The following KDM6A variants were observed in gnomAD, a reference collection of about 807,000 sequenced individuals.
KDM6A encodes the protein lysine-specific demethylase 6A.
A neutral mutation model predicts 117.6 loss-of-function variants in KDM6A; 11 were observed. The observed-to-expected ratio is 0.09, with a 90% confidence interval of 0.06 to 0.15. KDM6A has a LOEUF of 0.15. KDM6A is among the 10% of genes least tolerant of loss of function. The pLI, the probability that KDM6A is intolerant of heterozygous loss-of-function variation, is 1.00. For missense variants in KDM6A, 799 were observed against 1,077.3 expected (o/e 0.74, Z 3.62); for synonymous variants, 384 against 396.1 (o/e 0.97, Z 0.36).
At chrX:44,923,861 T>G (rs957545410) in intron 2 of KDM6A, among the ~76,000 whole-genome samples, 1 of 111,535 alleles carries the variant, frequency 9.0e-6, no homozygotes, top group African/African-American at 3.3e-5. Flanking sequence ...TAGCTGGGAT[T>G]ACAGGCATCT....
intron 4 of KDM6A, among the ~76,000 whole-genome samples, chrX:44,975,062 C>T (rs2039550615): frequency 9.0e-6 from 1 of 111,302 alleles, no homozygotes; most frequent in Non-Finnish European, 1.9e-5. Context: ...AGGCTGAAGA[C>T]GTGTATATCA....
chrX:44,972,716 A>C (rs939576811), intron 3 of KDM6A, among the ~76,000 whole-genome samples: 1 of 111,276 alleles, frequency 9.0e-6, no homozygotes, highest in Non-Finnish European at 1.9e-5. Context: ...CAGGAATATG[A>C]ACAGAGAGAG....
At chrX:45,094,493 T>C (rs2046019565) in intron 27 of KDM6A, among the ~76,000 whole-genome samples, 1 of 111,743 alleles carries the variant, frequency 8.9e-6, no homozygotes, top group Non-Finnish European at 1.9e-5. Context: ...ATACATACCA[T>C]ATCTCCTTAA....
chrX:45,097,661 T>G (rs1042423766), intron 27 of KDM6A, among the ~76,000 whole-genome samples: 5 of 111,690 alleles, frequency 4.5e-5, no homozygotes, highest in Admixed American at 3.8e-4. Context: ...TGTTGTCACC[T>G]CCTGATTCCT....
chrX:45,053,829 G>A lies in KDM6A; in HGVS notation c.749G>A (p.Gly250Asp). The change falls in exon 10 of 30, where the codon GGT becomes GAT. Residue 250 changes from glycine to aspartate, a missense_variant and splice_region_variant. Coordinates refer to ENST00000611820, the MANE Select transcript of KDM6A (RefSeq NM_001291415.2). ...AATTTTTTTAAATCATTTACTGTAG[G>A]TTGGATGCATCACACTGTAGATCTC... ...QVKATVLQQL[G>D]WMHHTVDLLG... is the part of the protein sequence containing the mutation. 1 of 1,184,523 alleles carries A rather than the reference G, an allele frequency of 8.4e-7. No homozygotes were observed. The highest frequency in any genetic ancestry group is 1.1e-6 in the Non-Finnish European group (1 of 871,210).
intron 2 of KDM6A, among the ~76,000 whole-genome samples, chrX:44,881,790 C>T (rs774391818): frequency 1.8e-5 from 2 of 108,294 alleles, no homozygotes; most frequent in South Asian, 8.3e-4. Flanking sequence ...AGGGTTCGAG[C>T]GATTCTCCTT....
chrX:45,029,473 G>T (rs2147739613), intron 6 of KDM6A, among the ~76,000 whole-genome samples: 1 of 109,294 alleles, frequency 9.1e-6, no homozygotes, highest in East Asian at 2.9e-4. Flanking sequence ...TTAGTCGAGG[G>T]TGCTGGTGTG....
Position 44,968,904 on chromosome X carries a change from A to T in KDM6A, c.335-5762A>T, listed in dbSNP as rs370718707. 5.8e-5 allele frequency among the ~76,000 whole-genome samples: 6 copies of T among 103,310 alleles called. No individual in the cohort carries two copies. In the South Asian group the frequency reaches 2.4e-3, roughly 41 times the overall value. The allele number at this position is 103,310 out of a possible 115,157, so 89.7% of individuals were successfully genotyped here. On this transcript the variant is annotated intron_variant, in intron 3 of 29. Transcript: ENST00000611820. ...AGAATTGCTTGAACCCAGGAGGTGG[A>T]GGTTGCGGTGAGCTGAGATCACGCC...
intron 18 of KDM6A, among the ~76,000 whole-genome samples, chrX:45,072,352 T>C (rs1460614322): frequency 9.0e-6 from 1 of 111,631 alleles, no homozygotes; most frequent in Non-Finnish European, 1.9e-5. Flanking sequence ...CTAAATGAAA[T>C]TCTTCTAAAG....
intron 5 of KDM6A, among the ~76,000 whole-genome samples, chrX:45,012,240 G>A (rs1387122468): frequency 1.2e-5 from 1 of 82,280 alleles, no homozygotes; most frequent in Non-Finnish European, 2.2e-5. Context: ...TCACTCTGTC[G>A]CCCAGGCTGG....
At chrX:45,010,837 A>AT (rs769061416) in intron 4 of KDM6A, 124 bp from the exon 5 acceptor site, 1 of 489,276 alleles carries the variant, frequency 2.0e-6, no homozygotes, top group East Asian at 3.8e-5. Context: ...TTTTAAAAAT[A>AT]TATTGTAATG....
Position 45,058,086 on chromosome X carries a change from C to CTT in KDM6A, c.876-920_876-919insTT, listed in dbSNP as rs1316897519. Among the ~76,000 whole-genome samples the CTT allele has an allele frequency of 2.9e-4, 22 of 75,568 alleles. 1 individual carries two copies. The highest frequency in any genetic ancestry group is 5.3e-4 in the Non-Finnish European group (21 of 39,816). 65.6% of individuals were successfully genotyped at this position (75,568 alleles called of 115,157 possible). On this transcript the variant is annotated intron_variant, in intron 10 of 29. Coordinates refer to ENST00000611820, the MANE Select transcript of KDM6A (RefSeq NM_001291415.2). Reference sequence around the variant, plus strand: ...CCTTACTCTTACTCTCCCCCCCCCCCCTTTTTTTTTTTGCCTTTCCTAAAT... The same window carrying CTT: ...CCTTACTCTTACTCTCCCCCCCCCCCTTCTTTTTTTTTTTGCCTTTCCTAAAT...
intron 20 of KDM6A, 83 bp downstream of exon 20, chrX:45,078,588 CT>C: frequency 4.1e-6 from 3 of 738,682 alleles, no homozygotes; most frequent in Admixed American, 3.9e-5. Flanking sequence ...AGATACTTTT[CT>C]TTTTTTTCTT....
chrX:44,873,806 G>T (rs1410298556), intron 1 of KDM6A, 94 bp downstream of exon 1: 1 of 1,138,795 alleles, frequency 8.8e-7, no homozygotes, highest in Non-Finnish European at 1.2e-6. Flanking sequence ...GCGGCGGCGG[G>T]GCGGGCACCT....
intron 8 of KDM6A, among the ~76,000 whole-genome samples, chrX:45,044,678 T>C (rs537030512): frequency 8.9e-6 from 1 of 112,213 alleles, no homozygotes; most frequent in East Asian, 2.8e-4. Context: ...GACCTTGCTT[T>C]AAATTTTAAC....
Position 45,094,050 on chromosome X carries a change from G to C in KDM6A, c.4034+3186G>C, listed in dbSNP as rs965127478. 3.6e-5 allele frequency among the ~76,000 whole-genome samples: 4 copies of C among 111,396 alleles called. No homozygotes were observed. In the South Asian group the frequency reaches 1.5e-3, roughly 42 times the overall value. On this transcript the variant is annotated intron_variant, in intron 27 of 29. Transcript: ENST00000611820. The stretch of plus-strand genomic sequence containing the variant: ...CACCAATTGAAAATGTTAACCACAA[G>C]TCTAGACCCCTAGGCCTTGCTTTAT...
chrX:44,886,083 A>G (rs936596322), intron 2 of KDM6A, among the ~76,000 whole-genome samples: 1 of 107,779 alleles, frequency 9.3e-6, no homozygotes, highest in African/African-American at 3.4e-5. Flanking sequence ...TTTTAGATGG[A>G]GTCTTGCTCT....
At chrX:44,962,513 G>A (rs13440565) in intron 3 of KDM6A, among the ~76,000 whole-genome samples, 24,194 of 110,947 alleles carry the variant, frequency 0.22, 4,352 homozygotes, top group African/African-American at 0.61. Flanking sequence ...GGTGTTAATA[G>A]TTACTTAATA....
At chrX:44,969,146 A>G (rs780619395) in intron 3 of KDM6A, among the ~76,000 whole-genome samples, 1 of 110,991 alleles carries the variant, frequency 9.0e-6, no homozygotes, top group African/African-American at 3.3e-5. Context: ...GAAACTCTTA[A>G]AAATTGTTTC....
Sources: allele counts gnomAD v4.1 joint callset (sites outside exome capture counted in the v4.1 genomes callset), GRCh38; gene constraint gnomAD v4.1.1; transcripts MANE v1.5; gene names NCBI Gene and HGNC (gene_info 2026-07-23, HGNC 2026-07-21).